The following DIS3L2 variants were observed in gnomAD, a reference collection of about 807,000 sequenced individuals.
DIS3L2 encodes the protein DIS3-like exonuclease 2.
Under a neutral mutation model 97.5 loss-of-function variants are expected in DIS3L2, and 34 were observed. The observed-to-expected ratio is 0.35, with a 90% CI of 0.27 to 0.46. DIS3L2 has a LOEUF of 0.46. Ranked by LOEUF, DIS3L2 falls within the 20% of genes least tolerant of loss-of-function variation. DIS3L2 has a pLI of 1.00. For missense variants in DIS3L2, 1,038 were observed against 1,146.0 expected (o/e 0.91, Z 1.36); for synonymous variants, 435 against 445.2 (o/e 0.98, Z 0.29).
At chr2:232,064,912 A>G (rs1695811355) in intron 5 of DIS3L2, among the ~76,000 whole-genome samples, 1 of 152,104 alleles carries the variant, frequency 6.6e-6, no homozygotes, top group African/African-American at 2.4e-5. Context: ...AGAGTTCTTT[A>G]TATAATGTGG....
intron 13 of DIS3L2, among the ~76,000 whole-genome samples, chr2:232,272,360 A>T (rs1181917933): frequency 2.0e-5 from 3 of 152,216 alleles, no homozygotes; most frequent in Non-Finnish European, 4.4e-5. Flanking sequence ...TATGTACTTT[A>T]AAAAACACCA....
intron 9 of DIS3L2, among the ~76,000 whole-genome samples, chr2:232,183,815 A>AT (rs1278641874): frequency 1.3e-5 from 2 of 152,204 alleles, no homozygotes; most frequent in African/African-American, 2.4e-5. Flanking sequence ...CAAATTAAGC[A>AT]AACCCGGTAA....
At chr2:232,120,981 T>C (rs1394534063) in intron 6 of DIS3L2, among the ~76,000 whole-genome samples, 1 of 152,118 alleles carries the variant, frequency 6.6e-6, no homozygotes, top group African/African-American at 2.4e-5. Flanking sequence ...ATTAACCATG[T>C]CCAGGCCTCC....
At chr2:232,136,816 T>C in intron 8 of DIS3L2, 97 bp downstream of exon 8, 1 of 1,450,052 alleles carries the variant, frequency 6.9e-7, no homozygotes, top group African/African-American at 1.4e-5. Context: ...TTATTATTTC[T>C]TTATTGAAGC....
chr2:231,999,126 C>A (rs534135535), intron 1 of DIS3L2, among the ~76,000 whole-genome samples: 1 of 152,308 alleles, frequency 6.6e-6, no homozygotes, highest in South Asian at 2.1e-4. Context: ...TGAAAGCAGC[C>A]ATAGATAATT....
chr2:232,252,417 T>C (rs1006977948), intron 12 of DIS3L2, among the ~76,000 whole-genome samples: 2 of 151,786 alleles, frequency 1.3e-5, no homozygotes, highest in Non-Finnish European at 2.9e-5. Context: ...CTGAAAAAAA[T>C]AAAAGAAAAA....
intron 9 of DIS3L2, among the ~76,000 whole-genome samples, chr2:232,207,361 T>A (rs1007302950): frequency 1.3e-5 from 2 of 152,204 alleles, no homozygotes; most frequent in Non-Finnish European, 2.9e-5. Context: ...TGATTTCACC[T>A]CCTGGGCACT....
intron 8 of DIS3L2, among the ~76,000 whole-genome samples, chr2:232,148,708 CA>C (rs1690296920): frequency 7.0e-6 from 1 of 143,430 alleles, no homozygotes; most frequent in Non-Finnish European, 1.5e-5. Flanking sequence ...TACAAAGCTC[CA>C]AAAAAGATGA....
chr2:232,305,627 G>C (rs1391937471), intron 14 of DIS3L2, among the ~76,000 whole-genome samples: 3 of 152,010 alleles, frequency 2.0e-5, no homozygotes, highest in African/African-American at 7.3e-5. Flanking sequence ...CTCTTACGTG[G>C]TTCATTTTCT....
At chr2:232,216,918 C>A (rs1692356203) in intron 10 of DIS3L2, among the ~76,000 whole-genome samples, 1 of 149,560 alleles carries the variant, frequency 6.7e-6, no homozygotes, top group African/African-American at 2.4e-5. Flanking sequence ...TCTCTGCACA[C>A]TGCAACCTCC....
At chr2:232,291,608 C>T (rs1212803901) in intron 13 of DIS3L2, among the ~76,000 whole-genome samples, 1 of 152,220 alleles carries the variant, frequency 6.6e-6, no homozygotes, top group Admixed American at 6.5e-5. Flanking sequence ...CCTGGAGAAC[C>T]CATGTTGGTT....
intron 1 of DIS3L2, among the ~76,000 whole-genome samples, chr2:232,009,414 C>T (rs975667955): frequency 6.6e-6 from 1 of 152,102 alleles, no homozygotes; most frequent in Non-Finnish European, 1.5e-5. Flanking sequence ...GTCTGTTTCT[C>T]CATGGAGTGT....
At chr2:232,095,997 T>C (rs1357484384) in intron 6 of DIS3L2, among the ~76,000 whole-genome samples, 1 of 151,886 alleles carries the variant, frequency 6.6e-6, no homozygotes, top group Non-Finnish European at 1.5e-5. Context: ...TCTTCTTTTC[T>C]TTTCTTTCTT....
At chr2:232,326,919 G>A (rs1224479943) in intron 14 of DIS3L2, among the ~76,000 whole-genome samples, 1 of 152,244 alleles carries the variant, frequency 6.6e-6, no homozygotes, top group Non-Finnish European at 1.5e-5. Flanking sequence ...TGTGCTGGGG[G>A]TCCAGGGAGA....
At chr2:232,339,614 C>T (rs1696062594), downstream of DIS3L2, 1 of 422,640 alleles carries the variant, frequency 2.4e-6, no homozygotes, top group Non-Finnish European at 4.9e-6. Context: ...AAGAGCCTCT[C>T]CAGGCCACTG....
In DIS3L2 at chr2:232,100,581, T is replaced by G. The variant is rs13406756; in HGVS notation, c.601+12860T>G. ...TTTTTATGTCCAGTGTTTTTATTAT[T>G]ATTCACTTTTAAATGTTTTCTTTTC... On this transcript the variant is annotated intron_variant, in intron 6 of 20. Transcript: ENST00000325385. Among the ~76,000 whole-genome samples the G allele has an allele frequency of 8.7e-3, 1,319 of 152,200 alleles. 17 individuals carry two copies. The highest frequency in any genetic ancestry group is 0.031 in the African/African-American group (1,275 of 41,542).
chr2:232,285,888 C>T (rs1694417318), intron 13 of DIS3L2, among the ~76,000 whole-genome samples: 1 of 152,204 alleles, frequency 6.6e-6, no homozygotes, highest in African/African-American at 2.4e-5. Flanking sequence ...TAAACTTACA[C>T]TGGGGTTTCT....
rs750177609 is a variant in DIS3L2 at position 232,335,819 on chromosome 2, C to G, written c.2441C>G (p.Pro814Arg). The part of the protein sequence containing the change: ...SHHFQKVGKK[P>R]ELTLVWEPED... Reference sequence around the variant, plus strand: ...CACTTCCAGAAGGTGGGCAAGAAGCCGGAACTCACGCTGGTCTGGGAGCCT... The same window carrying G: ...CACTTCCAGAAGGTGGGCAAGAAGCGGGAACTCACGCTGGTCTGGGAGCCT... The change falls in exon 20 of 21, where the codon CCG becomes CGG. Residue 814 changes from proline (P) to arginine (R), a missense_variant. Coordinates refer to ENST00000325385, the MANE Select transcript of DIS3L2 (RefSeq NM_152383.5). The G allele has an allele frequency of 1.3e-6, 2 of 1,550,744 alleles. No homozygotes were observed. Among genetic ancestry groups the G allele is most frequent in the African/African-American group, 2.7e-5 (2 of 73,050 alleles).
rs1465517351 is a variant in DIS3L2 at position 232,116,170 on chromosome 2, TTAAATAAATAAATGAA to T, written c.602-14435_602-14420del. 4.7e-3 allele frequency among the ~76,000 whole-genome samples: 528 copies of T among 111,952 alleles called. 1 individual carries two copies. The highest frequency in any genetic ancestry group is 7.5e-3 in the African/African-American group (191 of 25,478). The allele number at this position is 111,952 out of a possible 152,430, so 73.4% of individuals were successfully genotyped here. ...CTGGGCAACAGCGTGAGACTTGGTC[TTAAATAAATAAATGAA>T]TAAATAAATAAATAAATAAATAAAT... On this transcript the variant is annotated intron_variant, in intron 6 of 20. Transcript: ENST00000325385.
Sources: gnomAD v4.1 joint callset for allele counts (sites outside exome capture counted in the v4.1 genomes callset) on GRCh38, gnomAD v4.1.1 for gene constraint, MANE v1.5 for transcripts, NCBI Gene and HGNC (gene_info 2026-07-23, HGNC 2026-07-21) for gene names.